The following SUPT3H variants were observed in gnomAD, a reference collection of about 807,000 sequenced individuals.
SUPT3H encodes the protein transcription initiation protein SPT3 homolog.
Under a neutral mutation model 44.3 loss-of-function variants are expected in SUPT3H, and 44 were observed. The observed-to-expected ratio is 0.99, with a 90% CI of 0.78 to 1.28. The LOEUF (loss-of-function observed/expected upper bound fraction) is 1.28. Ranked by LOEUF, SUPT3H falls within the 50% of genes most tolerant of loss-of-function variation. The pLI is 0.00. For missense variants in SUPT3H, 380 were observed against 387.1 expected (o/e 0.98, Z 0.15); for synonymous variants, 124 against 125.6 (o/e 0.99, Z 0.09).
At chr6:45,247,478 G>C (rs190727103) in intron 2 of SUPT3H, among the ~76,000 whole-genome samples, 1 of 151,962 alleles carries the variant, frequency 6.6e-6, no homozygotes, top group South Asian at 2.1e-4. Context: ...TACTAGTTAT[G>C]GCTAGTCATG....
intron 2 of SUPT3H, among the ~76,000 whole-genome samples, chr6:45,355,529 A>G (rs1792998589): frequency 6.6e-6 from 1 of 152,134 alleles, no homozygotes. Context: ...AAGATCTTGC[A>G]GCTCCAAACC....
rs1279824446 is a variant in SUPT3H at position 45,332,788 on chromosome 6, A to C, written c.101+32413T>G. On this transcript the variant is annotated intron_variant, in intron 2 of 10. Coordinates refer to ENST00000371459, the MANE Select transcript of SUPT3H (RefSeq NM_003599.4). ...CCTTCCTGCAAATACTAAAATTGTA[A>C]TTATGGCAAAGCATAACTATTTTTT... Among the ~76,000 whole-genome samples the C allele has an allele frequency of 1.5e-4, 23 of 151,814 alleles. 1 individual carries two copies. The Admixed American group carries it at 1.5e-3, about 10-fold the overall frequency.
chr6:44,928,905 G>GAAAAAAAAAAAAA (rs1210373765), intron 10 of SUPT3H, among the ~76,000 whole-genome samples: 2 of 62,930 alleles, frequency 3.2e-5, no homozygotes, highest in African/African-American at 9.8e-5. Flanking sequence ...AAAAAAAAAA[G>GAAAAAAAAAAAAA]AAAAGAAAAG....
chr6:45,349,704 A>G (rs982601856), intron 2 of SUPT3H, among the ~76,000 whole-genome samples: 2 of 152,202 alleles, frequency 1.3e-5, no homozygotes, highest in Non-Finnish European at 2.9e-5. Context: ...TCATCATTAA[A>G]ATTATATTAT....
chr6:45,300,349 G>A (rs1781954016), intron 2 of SUPT3H, among the ~76,000 whole-genome samples: 1 of 152,148 alleles, frequency 6.6e-6, no homozygotes, highest in African/African-American at 2.4e-5. Flanking sequence ...AATGTTAAGA[G>A]GAGAGTTAGT....
At chr6:45,328,850 T>C in intron 2 of SUPT3H, 1 of 1,497,628 alleles carries the variant, frequency 6.7e-7, no homozygotes, top group Non-Finnish European at 9.3e-7. Flanking sequence ...TATGATTCTT[T>C]GATAAACTGC....
chr6:45,158,298 A>ATATTTTTTTT, intron 2 of SUPT3H, among the ~76,000 whole-genome samples: 4 of 99,694 alleles, frequency 4.0e-5, no homozygotes, highest in African/African-American at 2.0e-4. Flanking sequence ...ATATATATAT[A>ATATTTTTTTT]TTTTTTTTTT....
chr6:45,148,402 C>T lies in SUPT3H; in HGVS notation c.102-42396G>A, dbSNP rs540671844. ...CTGCTATAATACTTATTCTGAAATG[C>T]AAATGTGTCCCAATCCAACTGATAC... On this transcript the variant is annotated intron_variant, in intron 2 of 10. Coordinates refer to ENST00000371459, the MANE Select transcript of SUPT3H (RefSeq NM_003599.4). 9.2e-5 allele frequency among the ~76,000 whole-genome samples: 14 copies of T among 152,208 alleles called. No homozygotes were observed. The South Asian group carries it at 2.3e-3, about 25-fold the overall frequency.
intron 6 of SUPT3H, among the ~76,000 whole-genome samples, chr6:44,977,228 C>A (rs1007763386): frequency 1.3e-5 from 2 of 152,048 alleles, no homozygotes; most frequent in African/African-American, 4.8e-5. Context: ...TTTAAAGAAG[C>A]AAAGGACTAT....
intron 2 of SUPT3H, among the ~76,000 whole-genome samples, chr6:45,285,884 T>TACATA (rs1335379792): frequency 6.6e-6 from 1 of 152,068 alleles, no homozygotes; most frequent in Non-Finnish European, 1.5e-5. Flanking sequence ...ATGGTACTGG[T>TACATA]ACCAAAACAG....
At chr6:45,356,786 C>G (rs140344847) in intron 2 of SUPT3H, among the ~76,000 whole-genome samples, 4 of 152,150 alleles carry the variant, frequency 2.6e-5, no homozygotes, top group African/African-American at 4.8e-5. Context: ...CTTTGGCAAA[C>G]TTAACTATCA....
At chr6:44,904,955 C>A (rs564305354) in intron 10 of SUPT3H, among the ~76,000 whole-genome samples, 2 of 152,316 alleles carry the variant, frequency 1.3e-5, no homozygotes, top group East Asian at 1.9e-4. Flanking sequence ...GCTGGGAACA[C>A]TGGCTGGCCA....
At chr6:45,046,152 C>T (rs1055695203) in intron 3 of SUPT3H, among the ~76,000 whole-genome samples, 2 of 152,170 alleles carry the variant, frequency 1.3e-5, no homozygotes, top group Non-Finnish European at 2.9e-5. Flanking sequence ...CACATGGATA[C>T]CCAGTTGCTT....
intron 10 of SUPT3H, among the ~76,000 whole-genome samples, chr6:44,928,582 G>A (rs888175938): frequency 1.3e-5 from 2 of 152,004 alleles, no homozygotes; most frequent in Admixed American, 1.3e-4. Context: ...GTGTAGGATT[G>A]AGAATAAATG....
intron 11 of SUPT3H, among the ~76,000 whole-genome samples, chr6:44,811,966 TAC>T (rs1478981944): frequency 1.3e-5 from 2 of 152,130 alleles, no homozygotes; most frequent in African/African-American, 2.4e-5. Flanking sequence ...CATCCCATAG[TAC>T]ACAGTGGTTC....
intron 6 of SUPT3H, among the ~76,000 whole-genome samples, chr6:45,002,492 A>G (rs1410473087): frequency 3.3e-5 from 5 of 152,196 alleles, no homozygotes; most frequent in African/African-American, 1.2e-4. Flanking sequence ...TAAAAAATAA[A>G]GCATAAACAA....
At chr6:44,870,370 G>C (rs556315999) in intron 10 of SUPT3H, among the ~76,000 whole-genome samples, 4 of 152,124 alleles carry the variant, frequency 2.6e-5, no homozygotes, top group Non-Finnish European at 4.4e-5. Context: ...TCTGAGGCAG[G>C]AGGATCTCTT....
chr6:45,173,482 C>G (rs527662683), intron 2 of SUPT3H, among the ~76,000 whole-genome samples: 1 of 152,316 alleles, frequency 6.6e-6, no homozygotes, highest in African/African-American at 2.4e-5. Flanking sequence ...CATGGTCACA[C>G]ACTACAGGAG....
intron 2 of SUPT3H, among the ~76,000 whole-genome samples, chr6:45,252,384 A>C (rs766069869): frequency 6.6e-6 from 1 of 152,220 alleles, no homozygotes; most frequent in Non-Finnish European, 1.5e-5. Context: ...TGTGAAACCA[A>C]TATTATTTCT....
Sources: allele counts gnomAD v4.1 joint callset (sites outside exome capture counted in the v4.1 genomes callset), GRCh38; gene constraint gnomAD v4.1.1; transcripts MANE v1.5; gene names NCBI Gene and HGNC (gene_info 2026-07-23, HGNC 2026-07-21).